GRID2: variants seen among roughly 807,000 people sequenced by gnomAD.
The protein encoded by GRID2 is glutamate receptor ionotropic, delta-2.
GRID2 carries 33 observed loss-of-function variants against 114.8 expected under a neutral mutation model. That is an observed-to-expected ratio of 0.29 (90% CI 0.22 to 0.38). GRID2 has a LOEUF of 0.38. Ranked by LOEUF, GRID2 falls within the 10% of genes least tolerant of loss-of-function variation. GRID2 has a pLI of 1.00. For synonymous variants in GRID2, 505 were observed against 449.9 expected, an observed-to-expected ratio of 1.12 and a Z score of -1.55; for missense variants, 1,184 against 1,257.7, an observed-to-expected ratio of 0.94 and a Z score of 0.89.
chr4:92,924,001 T>A (rs1001245509), intron 2 of GRID2, among the ~76,000 whole-genome samples: 2 of 152,138 alleles, frequency 1.3e-5, no homozygotes, highest in Admixed American at 1.3e-4. Flanking sequence ...AACCAACCCA[T>A]ATGTCCAACA....
chr4:92,573,028 G>A (rs928117476), intron 1 of GRID2, among the ~76,000 whole-genome samples: 9 of 151,078 alleles, frequency 6.0e-5, no homozygotes, highest in Non-Finnish European at 4.5e-5. Flanking sequence ...CAAGCATTCC[G>A]TTTCTTCCTG....
At chr4:93,125,100 A>C (rs1203955152) in intron 4 of GRID2, among the ~76,000 whole-genome samples, 2 of 151,980 alleles carry the variant, frequency 1.3e-5, no homozygotes, top group African/African-American at 4.8e-5. Context: ...TAAATCTTTC[A>C]CATTGATATA....
chr4:92,395,334 G>A (rs564311801), intron 1 of GRID2, among the ~76,000 whole-genome samples: 11 of 151,454 alleles, frequency 7.3e-5, no homozygotes, highest in Admixed American at 1.3e-4. Context: ...TAATTCACTC[G>A]ATAAAAAATA....
At chr4:92,927,057 G>C (rs1394787806) in intron 2 of GRID2, among the ~76,000 whole-genome samples, 1 of 151,776 alleles carries the variant, frequency 6.6e-6, no homozygotes, top group African/African-American at 2.4e-5. Context: ...ATTGATAAGA[G>C]TATTTAAAAT....
chr4:93,586,406 C>T (rs998197659), intron 13 of GRID2, among the ~76,000 whole-genome samples: 2 of 152,104 alleles, frequency 1.3e-5, no homozygotes, highest in Non-Finnish European at 2.9e-5. Flanking sequence ...ATTCTTGACT[C>T]CATTCAAATG....
intron 2 of GRID2, among the ~76,000 whole-genome samples, chr4:92,607,152 G>T (rs1310828021): frequency 6.6e-6 from 1 of 151,952 alleles, no homozygotes; most frequent in Non-Finnish European, 1.5e-5. Flanking sequence ...ATTACCTTGA[G>T]CAGCAGGATA....
At chr4:92,575,256 C>T (rs1727827041) in intron 1 of GRID2, among the ~76,000 whole-genome samples, 1 of 152,180 alleles carries the variant, frequency 6.6e-6, no homozygotes, top group Admixed American at 6.5e-5. Flanking sequence ...TGGGTTACAA[C>T]ATGCTCCTTT....
rs116669090 is a variant in GRID2 at position 93,405,854 on chromosome 4, G to A, written c.1347+10146G>A. ...CATAAAATTCTTCAGAAATGAACAT[G>A]AATATAAATAAAAACTTGAGAGATG... is the stretch of plus-strand genomic sequence containing the variant. On this transcript the variant is annotated intron_variant, in intron 9 of 15. Transcript: ENST00000282020. Among the ~76,000 whole-genome samples, 1,081 of 152,094 alleles carry A rather than the reference G, an allele frequency of 7.1e-3. 11 individuals carry two copies. Among genetic ancestry groups the A allele is most frequent in the African/African-American group, 0.025 (1,032 of 41,510 alleles).
rs1298699578 is a variant in GRID2, at chr4:93,511,521, A to C, written c.1998-3695A>C. Among the ~76,000 whole-genome samples, 4 of 152,300 alleles carry C rather than the reference A, an allele frequency of 2.6e-5. No individual in the cohort carries two copies. The East Asian group carries it at 7.7e-4, about 29-fold the overall frequency. ...TCAAGAAGATAAGGCTGATTAGAGC[A>C]GCAAAGCATTTTCTTTCTTTTATCA... On this transcript the variant is annotated intron_variant, in intron 12 of 15. Coordinates refer to ENST00000282020, the MANE Select transcript of GRID2 (RefSeq NM_001510.4).
chr4:92,405,607 A>G (rs934601778), intron 1 of GRID2, among the ~76,000 whole-genome samples: 10 of 151,970 alleles, frequency 6.6e-5, no homozygotes, highest in African/African-American at 2.2e-4. Flanking sequence ...TCATTTTTAT[A>G]TATGTATATG....
At chr4:92,646,121 G>C (rs536227947) in intron 2 of GRID2, among the ~76,000 whole-genome samples, 3 of 33,432 alleles carry the variant, frequency 9.0e-5, no homozygotes, top group African/African-American at 2.5e-4. Flanking sequence ...GTCTGTTTTC[G>C]TAATGGAACG....
chr4:93,595,646 C>G (rs1297049634), intron 13 of GRID2, among the ~76,000 whole-genome samples: 2 of 152,094 alleles, frequency 1.3e-5, no homozygotes. Flanking sequence ...ATGACTTATC[C>G]CTGATTTCTT....
intron 2 of GRID2, among the ~76,000 whole-genome samples, chr4:92,927,362 T>C (rs929163850): frequency 1.1e-4 from 16 of 151,972 alleles, no homozygotes; most frequent in African/African-American, 3.6e-4. Flanking sequence ...TGGCAGAACT[T>C]CTTGGGACAA....
At chr4:93,694,815 T>TTC (rs1041094350) in intron 14 of GRID2, among the ~76,000 whole-genome samples, 3 of 152,184 alleles carry the variant, frequency 2.0e-5, no homozygotes, top group African/African-American at 7.2e-5. Flanking sequence ...TATTGTGAAT[T>TTC]TATAATTACC....
At chr4:93,594,141 G>C (rs968418897) in intron 13 of GRID2, among the ~76,000 whole-genome samples, 2 of 152,186 alleles carry the variant, frequency 1.3e-5, no homozygotes, top group Non-Finnish European at 2.9e-5. Flanking sequence ...CTGCTTTTTA[G>C]AGTTTCCAGT....
At chr4:93,391,621 G>T (rs1385052494) in intron 8 of GRID2, among the ~76,000 whole-genome samples, 1 of 152,032 alleles carries the variant, frequency 6.6e-6, no homozygotes, top group African/African-American at 2.4e-5. Context: ...AAACTATTGA[G>T]CATAAAATTA....
Position 93,476,281 on chromosome 4 carries a change from A to C in GRID2, c.1859-14358A>C, listed in dbSNP as rs114420145. Among the ~76,000 whole-genome samples the C allele has an allele frequency of 6.5e-3, 996 of 152,280 alleles. 12 individuals carry two copies. The highest frequency in any genetic ancestry group is 0.023 in the African/African-American group (951 of 41,560). On this transcript the variant is annotated intron_variant, in intron 11 of 15. Transcript: ENST00000282020. The stretch of plus-strand genomic sequence containing the variant: ...AATTTAATACACAGAAAATAAATAA[A>C]AAATACATGAAATGTTAAATATGGT...
chr4:93,333,915 A>C (rs1336252204), intron 8 of GRID2, among the ~76,000 whole-genome samples: 1 of 152,206 alleles, frequency 6.6e-6, no homozygotes. Flanking sequence ...TAATAATAAT[A>C]GCATCATTTC....
chr4:93,726,825 A>G (rs1264988946), intron 14 of GRID2, among the ~76,000 whole-genome samples: 1 of 152,176 alleles, frequency 6.6e-6, no homozygotes, highest in African/African-American at 2.4e-5. Context: ...TGATTTTTGT[A>G]CATTGATTTT....
Sources: allele counts gnomAD v4.1 joint callset (sites outside exome capture counted in the v4.1 genomes callset), GRCh38; gene constraint gnomAD v4.1.1; transcripts MANE v1.5; gene names NCBI Gene and HGNC (gene_info 2026-07-23, HGNC 2026-07-21).